The following SYT1 variants were observed in gnomAD, a reference collection of about 807,000 sequenced individuals.
The protein encoded by SYT1 is synaptotagmin-1.
A neutral mutation model predicts 44.8 loss-of-function variants in SYT1; 8 were observed. The ratio of observed to expected loss-of-function variants is 0.18; its 90% CI spans 0.10 to 0.32. The LOEUF (loss-of-function observed/expected upper bound fraction) is 0.32, where lower values mean the gene tolerates loss of function less well. SYT1 is among the 10% of genes least tolerant of loss of function. SYT1 has a pLI of 1.00. For missense variants in SYT1, 286 were observed against 509.3 expected (o/e 0.56, Z 4.22); for synonymous variants, 154 against 188.8 (o/e 0.82, Z 1.51).
intron 9 of SYT1, among the ~76,000 whole-genome samples, chr12:79,435,519 G>C (rs1173074256): frequency 1.3e-5 from 2 of 151,910 alleles, no homozygotes; most frequent in African/African-American, 4.8e-5. Flanking sequence ...TAACTATATG[G>C]CTGGCCAAGA....
intron 3 of SYT1, among the ~76,000 whole-genome samples, chr12:79,140,056 C>T (rs1243342674): frequency 6.6e-6 from 1 of 152,180 alleles, no homozygotes. Context: ...TATGGCCTCC[C>T]CTTTGCCCCT....
At chr12:78,925,057 T>A (rs1272045078) in intron 1 of SYT1, among the ~76,000 whole-genome samples, 2 of 151,444 alleles carry the variant, frequency 1.3e-5, no homozygotes, top group African/African-American at 4.9e-5. Flanking sequence ...TACATGTTTA[T>A]GAGTATATGT....
intron 4 of SYT1, among the ~76,000 whole-genome samples, chr12:79,223,319 C>G (rs1419933933): frequency 4.6e-5 from 7 of 152,242 alleles, no homozygotes; most frequent in Non-Finnish European, 1.0e-4. Context: ...AGGACAGTTG[C>G]AGCCAGCATG....
chr12:78,903,989 T>G (rs1326438759), intron 1 of SYT1, among the ~76,000 whole-genome samples: 1 of 151,988 alleles, frequency 6.6e-6, no homozygotes, highest in Non-Finnish European at 1.5e-5. Context: ...TACAGAAAAC[T>G]TGATCTGTCT....
At chr12:79,262,553 T>A (rs1260443284) in intron 4 of SYT1, among the ~76,000 whole-genome samples, 1 of 152,214 alleles carries the variant, frequency 6.6e-6, no homozygotes, top group African/African-American at 2.4e-5. Flanking sequence ...TTTCCACATT[T>A]GTATTCTTGA....
rs79062108 is a variant in SYT1, at chr12:79,185,081, T to G, written c.-17-32422T>G. 8.0e-3 allele frequency among the ~76,000 whole-genome samples: 1,213 copies of G among 152,140 alleles called. 12 individuals carry two copies. Among genetic ancestry groups the G allele is most frequent in the African/African-American group, 0.026 (1,087 of 41,532 alleles). On this transcript the variant is annotated intron_variant, in intron 3 of 10. Transcript: ENST00000261205. ...GCTCTCTCCACTATGAATTGCCATC[T>G]TGGTCTGTACTACTGATCCTCAGGA... is the stretch of plus-strand genomic sequence containing the variant.
At chr12:79,153,574 A>T (rs1040135411) in intron 3 of SYT1, among the ~76,000 whole-genome samples, 2 of 152,136 alleles carry the variant, frequency 1.3e-5, no homozygotes, top group Non-Finnish European at 2.9e-5. Context: ...TGCATTTTGT[A>T]TGTAAATTAT....
intron 5 of SYT1, among the ~76,000 whole-genome samples, chr12:79,286,747 A>T (rs570893662): frequency 6.6e-6 from 1 of 152,286 alleles, no homozygotes; most frequent in Non-Finnish European, 1.5e-5. Context: ...TACTATTATT[A>T]ATGATAATTA....
intron 3 of SYT1, among the ~76,000 whole-genome samples, chr12:79,088,492 G>C (rs533266275): frequency 2.6e-5 from 4 of 152,036 alleles, no homozygotes; most frequent in African/African-American, 9.7e-5. Flanking sequence ...TGGCCAGAGC[G>C]GAGTGGCTGA....
chr12:78,907,815 C>T (rs972970509), intron 1 of SYT1, among the ~76,000 whole-genome samples: 1 of 152,070 alleles, frequency 6.6e-6, no homozygotes, highest in East Asian at 1.9e-4. Context: ...ATCATCAAAA[C>T]CACAAGTTCT....
intron 10 of SYT1, 144 bp from the exon 11 acceptor site, chr12:79,448,774 T>TAAGA: frequency 1.4e-6 from 1 of 706,828 alleles, no homozygotes; most frequent in Non-Finnish European, 2.4e-6. Flanking sequence ...GTTTGAGTAT[T>TAAGA]AAGATTCAAG....
At chr12:79,062,023 T>C (rs933313843) in intron 3 of SYT1, among the ~76,000 whole-genome samples, 1 of 152,198 alleles carries the variant, frequency 6.6e-6, no homozygotes, top group African/African-American at 2.4e-5. Flanking sequence ...TAGCTTATTT[T>C]AATGTTCTTG....
intron 9 of SYT1, among the ~76,000 whole-genome samples, chr12:79,429,970 T>G (rs1317715047): frequency 6.6e-6 from 1 of 152,162 alleles, no homozygotes; most frequent in Non-Finnish European, 1.5e-5. Flanking sequence ...ATCACGAATT[T>G]CCATTATGCA....
intron 3 of SYT1, among the ~76,000 whole-genome samples, chr12:79,101,317 CAT>C (rs1489855950): frequency 1.2e-4 from 19 of 152,148 alleles, no homozygotes; most frequent in Admixed American, 7.2e-4. Context: ...ATTTCTGACA[CAT>C]GTTACAAAAT....
chr12:79,025,748 G>A (rs1208832376), intron 2 of SYT1, among the ~76,000 whole-genome samples: 2 of 151,358 alleles, frequency 1.3e-5, no homozygotes, highest in Non-Finnish European at 3.0e-5. Flanking sequence ...TTATGTGTGC[G>A]TGCATAATAG....
intron 4 of SYT1, among the ~76,000 whole-genome samples, chr12:79,236,870 T>C (rs73150253): frequency 2.0e-5 from 3 of 152,332 alleles, no homozygotes; most frequent in Non-Finnish European, 4.4e-5. Context: ...GGAGTCATCA[T>C]AGGGTAATTT....
At chr12:79,117,324 A>T (rs1879328549) in intron 3 of SYT1, among the ~76,000 whole-genome samples, 2 of 152,032 alleles carry the variant, frequency 1.3e-5, no homozygotes, top group South Asian at 2.1e-4. Flanking sequence ...GTCATTATCC[A>T]TGCGGACCCA....
At chr12:79,205,239 G>A (rs925920572) in intron 3 of SYT1, among the ~76,000 whole-genome samples, 1 of 152,094 alleles carries the variant, frequency 6.6e-6, no homozygotes, top group African/African-American at 2.4e-5. Context: ...TAGGATTACA[G>A]GCGTGAGCCA....
At chr12:79,068,736 G>A (rs369580125) in intron 3 of SYT1, among the ~76,000 whole-genome samples, 8 of 152,174 alleles carry the variant, frequency 5.3e-5, no homozygotes, top group East Asian at 1.9e-4. Flanking sequence ...GTAACCTGCC[G>A]GGCATGGTAG....
Sources: allele counts gnomAD v4.1 joint callset (sites outside exome capture counted in the v4.1 genomes callset), GRCh38; gene constraint gnomAD v4.1.1; transcripts MANE v1.5; gene names NCBI Gene and HGNC (gene_info 2026-07-23, HGNC 2026-07-21).